Variants in SAMD12 observed in about 807,000 individuals in gnomAD.
SAMD12 encodes sterile alpha motif domain containing 12.
A neutral mutation model predicts 15.0 loss-of-function variants in SAMD12; 9 were observed. The ratio of observed to expected loss-of-function variants is 0.60; its 90% confidence interval spans 0.36 to 1.05. The LOEUF (loss-of-function observed/expected upper bound fraction) is 1.05, where lower values mean the gene tolerates loss of function less well. Ranked by LOEUF, SAMD12 falls within the 50% of genes least tolerant of loss-of-function variation. The pLI, the probability that SAMD12 is intolerant of heterozygous loss-of-function variation, is 0.01. For missense variants in SAMD12, 230 were observed against 234.2 expected, an observed-to-expected ratio of 0.98 and a Z score of 0.12; for synonymous variants, 86 against 90.1, an observed-to-expected ratio of 0.96 and a Z score of 0.25.
At chr8:118,501,989 A>G (rs1308663065) in intron 2 of SAMD12, among the ~76,000 whole-genome samples, 1 of 149,620 alleles carries the variant, frequency 6.7e-6, no homozygotes, top group South Asian at 2.1e-4. Flanking sequence ...CACTGCACTC[A>G]AGCCTGGGCA....
intron 2 of SAMD12, among the ~76,000 whole-genome samples, chr8:118,476,529 C>T (rs1292020938): frequency 6.6e-6 from 1 of 152,090 alleles, no homozygotes; most frequent in Non-Finnish European, 1.5e-5. Context: ...TGCCAAAGCC[C>T]CCAACAGTTC....
intron 3 of SAMD12, among the ~76,000 whole-genome samples, chr8:118,421,898 G>A (rs1222097348): frequency 2.0e-5 from 3 of 152,198 alleles, no homozygotes; most frequent in Non-Finnish European, 4.4e-5. Context: ...AATCGCACTT[G>A]AAGATGATAT....
chr8:118,369,754 C>T (rs541860187), intron 4 of SAMD12, among the ~76,000 whole-genome samples: 2 of 151,658 alleles, frequency 1.3e-5, no homozygotes, highest in South Asian at 4.2e-4. Context: ...AAAACAAAAA[C>T]AAAAATAAAA....
chr8:118,478,214 T>C (rs1373871671), intron 2 of SAMD12, among the ~76,000 whole-genome samples: 1 of 152,186 alleles, frequency 6.6e-6, no homozygotes, highest in Non-Finnish European at 1.5e-5. Flanking sequence ...TTTAATTCCT[T>C]TGAGCCTTAG....
intron 4 of SAMD12, among the ~76,000 whole-genome samples, chr8:118,339,940 G>T (rs577696994): frequency 2.0e-5 from 3 of 152,356 alleles, no homozygotes; most frequent in Non-Finnish European, 4.4e-5. Context: ...GGCATGACCG[G>T]CATTTAATTT....
At chr8:118,191,690 A>G (rs1819376866) in exon 5 of SAMD12, 1 of 146,380 alleles carries the variant, frequency 6.8e-6, no homozygotes, top group Non-Finnish European at 1.5e-5. Context: ...ACATAGAGCC[A>G]GCAGGCAGTT....
intron 2 of SAMD12, among the ~76,000 whole-genome samples, chr8:118,515,667 C>G (rs1022540065): frequency 3.9e-5 from 6 of 152,190 alleles, no homozygotes; most frequent in Admixed American, 2.6e-4. Context: ...ACCCCTACCC[C>G]AGGTACCTTC....
chr8:118,520,850 G>C (rs1223809738), intron 2 of SAMD12, among the ~76,000 whole-genome samples: 2 of 152,102 alleles, frequency 1.3e-5, no homozygotes, highest in Admixed American at 6.6e-5. Context: ...ATCAGCCTGA[G>C]AGAAAGGTTA....
chr8:118,392,837 C>T, intron 3 of SAMD12, among the ~76,000 whole-genome samples: 1 of 145,338 alleles, frequency 6.9e-6, no homozygotes, highest in African/African-American at 2.5e-5. Context: ...GACAATAATA[C>T]TCCCTACCCC....
At chr8:118,453,711 G>C (rs1051034522) in intron 2 of SAMD12, among the ~76,000 whole-genome samples, 3 of 152,024 alleles carry the variant, frequency 2.0e-5, no homozygotes, top group African/African-American at 7.3e-5. Context: ...GTAGGGATGA[G>C]GGTCTCACTA....
intron 4 of SAMD12, among the ~76,000 whole-genome samples, chr8:118,317,025 T>A (rs1169605048): frequency 2.0e-5 from 3 of 151,904 alleles, no homozygotes; most frequent in Non-Finnish European, 4.4e-5. Flanking sequence ...CCAGTATGAC[T>A]GATGTTCTTA....
At chr8:118,237,907 C>A (rs1020057119) in intron 4 of SAMD12, among the ~76,000 whole-genome samples, 14 of 152,160 alleles carry the variant, frequency 9.2e-5, no homozygotes, top group Non-Finnish European at 1.6e-4. Flanking sequence ...TGGAAGCAAA[C>A]AAGGCCTTTC....
chr8:118,206,639 C>A (rs1465379594), intron 4 of SAMD12, among the ~76,000 whole-genome samples: 1 of 152,352 alleles, frequency 6.6e-6, no homozygotes, highest in South Asian at 2.1e-4. Flanking sequence ...ATCTGTATCA[C>A]AATCTATTAG....
intron 4 of SAMD12, among the ~76,000 whole-genome samples, chr8:118,202,640 T>A (rs927863710): frequency 6.6e-6 from 1 of 152,082 alleles, no homozygotes; most frequent in South Asian, 2.1e-4. Context: ...AGATATTATA[T>A]CCAGGCAGCC....
At chr8:118,191,776 A>C (rs1207948076) in exon 5 of SAMD12, 463 of 33,926 alleles carry the variant, frequency 0.014, 36 homozygotes, top group African/African-American at 0.06. Flanking sequence ...ATATATATAT[A>C]TATATATATA....
At chr8:118,317,425 G>A (rs1815977898) in intron 4 of SAMD12, among the ~76,000 whole-genome samples, 1 of 152,182 alleles carries the variant, frequency 6.6e-6, no homozygotes, top group Non-Finnish European at 1.5e-5. Context: ...ACTGTGGGAT[G>A]CTCACATGTT....
intron 4 of SAMD12, among the ~76,000 whole-genome samples, chr8:118,313,556 C>A (rs919990529): frequency 1.3e-5 from 2 of 152,092 alleles, no homozygotes; most frequent in African/African-American, 4.8e-5. Context: ...ACAAAGAATT[C>A]TTTCTGTCTA....
chr8:118,571,150 T>C (rs1827000508), intron 2 of SAMD12, among the ~76,000 whole-genome samples: 1 of 152,120 alleles, frequency 6.6e-6, no homozygotes, highest in South Asian at 2.1e-4. Context: ...TACAATAAAT[T>C]GGTACTAGGA....
At chr8:118,307,872 G>A (rs1333865123) in intron 4 of SAMD12, among the ~76,000 whole-genome samples, 1 of 152,162 alleles carries the variant, frequency 6.6e-6, no homozygotes, top group African/African-American at 2.4e-5. Flanking sequence ...GGAGAAGACT[G>A]GAAAGAAGGA....
Sources: gnomAD v4.1 joint callset for allele counts (sites outside exome capture counted in the v4.1 genomes callset) on GRCh38, gnomAD v4.1.1 for gene constraint, MANE v1.5 for transcripts, NCBI Gene and HGNC (gene_info 2026-07-23, HGNC 2026-07-21) for gene names.